The following ARL4A variants were observed in gnomAD, a reference collection of about 807,000 sequenced individuals.
ARL4A encodes the protein ARF like GTPase 4A, also known as ADP-ribosylation factor-like protein 4A.
In ARL4A, 5 loss-of-function variants were observed where a neutral mutation model predicts 13.9. The ratio of observed to expected loss-of-function variants is 0.36; its 90% CI spans 0.19 to 0.75. The LOEUF (loss-of-function observed/expected upper bound fraction) is 0.75. ARL4A is among the 30% of genes least tolerant of loss of function. The pLI is 0.53. For missense variants in ARL4A, 147 were observed against 225.8 expected (o/e 0.65, Z 2.24); for synonymous variants, 77 against 84.4 (o/e 0.91, Z 0.48).
In ARL4A at chr7:12,689,197, T is replaced by TA. The variant is rs1784577606; in HGVS notation, c.*341dup. ...GAGTGTCTGCCTAGTGTTTTGTGCT[T>TA]ACATCTTTCGGGGGGAAGCCTTTGC... On this transcript the variant is annotated 3_prime_UTR_variant, in exon 2 of 2. Coordinates refer to ENST00000651779, the MANE Select transcript of ARL4A (RefSeq NM_005738.5). 4.5e-6 allele frequency: 1 copy of TA among 220,212 alleles called. No homozygotes were observed. The highest frequency in any genetic ancestry group is 9.9e-6 in the Non-Finnish European group (1 of 101,004). 13.6% of individuals were successfully genotyped at this position (220,212 alleles called of 1,614,324 possible).
rs550088104 is a variant in ARL4A, at chr7:12,688,314, T to C, written c.60T>C (p.Ser20=). 1 of 1,613,682 alleles carries C rather than the reference T, an allele frequency of 6.2e-7. No individual in the cohort carries two copies. Among genetic ancestry groups the C allele is most frequent in the South Asian group, 1.1e-5 (1 of 90,982 alleles). The change falls in exon 2 of 2, where the codon TCT becomes TCC. Residue 20 remains serine, a synonymous_variant. Transcript: ENST00000651779. The surrounding 1 kb of genome is among the most constrained non-coding windows in gnomAD (Gnocchi z 5.2). ...TGTCCAACCTGCCTTCATTTCAGTCTTTCCACATTGTTATTCTGGGTTTGG... is the reference window on the plus strand; with the variant it reads ...TGTCCAACCTGCCTTCATTTCAGTCCTTCCACATTGTTATTCTGGGTTTGG... ...SILSNLPSFQ[S]FHIVILGLDC...
In ARL4A at chr7:12,690,537, A is replaced by G. The variant is rs1424551344; in HGVS notation, c.*1680A>G. The stretch of plus-strand genomic sequence containing the variant: ...TATTTCCACTTTTGCTGAAGCTTTT[A>G]ATCAGATGTGTAAAAACAATTGACC... On this transcript the variant is annotated 3_prime_UTR_variant, in exon 2 of 2. Coordinates refer to ENST00000651779, the MANE Select transcript of ARL4A (RefSeq NM_005738.5). The G allele has an allele frequency of 6.0e-6, 1 of 166,684 alleles. No individual in the cohort carries two copies. Among genetic ancestry groups the G allele is most frequent in the African/African-American group, 2.4e-5 (1 of 41,406 alleles). 10.3% of individuals were successfully genotyped at this position (166,684 alleles called of 1,614,324 possible).
chr7:12,688,465 T>A lies in ARL4A; in HGVS notation c.211T>A (p.Phe71Ile). ...CTTGGGAAATTCTAAAACAGTCACT[T>A]TTCACTTCTGGGATGTAGGTGGTCA... ...VTLGNSKTVT[F>I]HFWDVGGQEK... The change falls in exon 2 of 2, where the codon TTT becomes ATT. Residue 71 changes from phenylalanine (F) to isoleucine (I), a missense_variant. Phe to Ile is a conservative substitution (Grantham distance 21). Coordinates refer to ENST00000651779, the MANE Select transcript of ARL4A (RefSeq NM_005738.5). The surrounding 1 kb of genome is among the most constrained non-coding windows in gnomAD (Gnocchi z 5.2). 1 of 1,612,520 alleles carries A rather than the reference T, an allele frequency of 6.2e-7. No individual in the cohort carries two copies. Among genetic ancestry groups the A allele is most frequent in the Non-Finnish European group, 8.5e-7 (1 of 1,179,856 alleles).
At position 12,688,027 on chromosome 7, in the gene ARL4A, A is replaced by G; in HGVS notation, c.-89-139A>G. On this transcript the variant is annotated intron_variant, in intron 1 of 1. Coordinates refer to ENST00000651779, the MANE Select transcript of ARL4A (RefSeq NM_005738.5). The surrounding 1 kb of genome is among the most constrained non-coding windows in gnomAD (Gnocchi z 5.2). ...TCTTGGACTGTGTGTGTTTTCATGT[A>G]CGTTTCATATCTCGTCTGGTTTGTT... 1 of 498,032 alleles carries G rather than the reference A, an allele frequency of 2.0e-6. No homozygotes were observed. Among genetic ancestry groups the G allele is most frequent in the Non-Finnish European group, 3.4e-6 (1 of 290,172 alleles). The allele number at this position is 498,032 out of a possible 1,614,324, so 30.9% of individuals were successfully genotyped here. A position where few individuals can be genotyped will look rare whatever the true frequency, so the allele number is the denominator to read the frequency against.
chr7:12,689,646 C>T lies in ARL4A; in HGVS notation c.*789C>T, dbSNP rs963871668. 1 of 166,466 alleles carries T rather than the reference C, an allele frequency of 6.0e-6. No individual in the cohort carries two copies. The highest frequency in any genetic ancestry group is 1.5e-5 in the Non-Finnish European group (1 of 68,082). The allele number at this position is 166,466 out of a possible 1,614,324, so 10.3% of individuals were successfully genotyped here. On this transcript the variant is annotated 3_prime_UTR_variant, in exon 2 of 2. Coordinates refer to ENST00000651779, the MANE Select transcript of ARL4A (RefSeq NM_005738.5). ...TAGTTTGTTGTCAGAAGCACTTTCA[C>T]TTGAAGAACCTAAAATGATTGACTC...
chr7:12,688,442 T>C lies in ARL4A; in HGVS notation c.188T>C (p.Leu63Ser). Residue 63 changes from leucine to serine, a missense_variant, in exon 2 of 2, where the codon TTG becomes TCG. Leu to Ser is a moderately radical substitution (Grantham distance 145). Transcript: ENST00000651779. The surrounding 1 kb of genome is among the most constrained non-coding windows in gnomAD (Gnocchi z 5.2). ...AACACTGAGAAAATTAAGGTAACCT[T>C]GGGAAATTCTAAAACAGTCACTTTT... ...GFNTEKIKVT[L>S]GNSKTVTFHF... is the part of the protein sequence containing the mutation. 1 of 1,613,224 alleles carries C rather than the reference T, an allele frequency of 6.2e-7. No homozygotes were observed. Among genetic ancestry groups the C allele is most frequent in the Non-Finnish European group, 8.5e-7 (1 of 1,179,860 alleles).
In ARL4A at chr7:12,688,971, C is replaced by A. The variant is rs553086291; in HGVS notation, c.*114C>A. 4,446 of 1,120,696 alleles carry A rather than the reference C, an allele frequency of 4.0e-3. 13 individuals carry two copies. Among genetic ancestry groups the A allele is most frequent in the Non-Finnish European group, 5.1e-3 (3,993 of 781,946 alleles). 69.4% of individuals were successfully genotyped at this position (1,120,696 alleles called of 1,614,324 possible). On this transcript the variant is annotated 3_prime_UTR_variant, in exon 2 of 2. Coordinates refer to ENST00000651779, the MANE Select transcript of ARL4A (RefSeq NM_005738.5). This position sits in a 1 kb window ranked among gnomAD's most constrained non-coding sequence, Gnocchi z 5.2. ...TCTGCCCTCCTGGATGCTATTAAAG[C>A]TTTGTTTTGTTGAACAATCAGATGC...
upstream of ARL4A, chr7:12,687,278 G>A (rs901390061): frequency 6.6e-6 from 1 of 152,354 alleles, no homozygotes; most frequent in East Asian, 1.9e-4. The surrounding 1 kb of genome is among the most constrained non-coding windows in gnomAD (Gnocchi z 5.6). Flanking sequence ...CCCCGGATGT[G>A]AGAGCCTTGG....
In ARL4A at chr7:12,689,998, T is replaced by A. The variant is rs1784592164; in HGVS notation, c.*1141T>A. 1 of 167,058 alleles carries A rather than the reference T, an allele frequency of 6.0e-6. No homozygotes were observed. The highest frequency in any genetic ancestry group is 1.5e-5 in the Non-Finnish European group (1 of 68,110). The allele number at this position is 167,058 out of a possible 1,614,324, so 10.3% of individuals were successfully genotyped here. ...CAGTGTTACATGGGCTGTCCAGTCC[T>A]GATTATAGAGAGGAAGAAATGGTAA... On this transcript the variant is annotated 3_prime_UTR_variant, in exon 2 of 2. Transcript: ENST00000651779.
In ARL4A at chr7:12,690,768, T is replaced by C. The variant is rs1171894435; in HGVS notation, c.*1911T>C. On this transcript the variant is annotated 3_prime_UTR_variant, in exon 2 of 2. Transcript: ENST00000651779. ...TTTACCAGTTTGCCTGTACTTTCTG[T>C]CTACCTACTATGTAAAATAGTGCTG... The C allele has an allele frequency of 1.8e-5, 3 of 166,736 alleles. No homozygotes were observed. The highest frequency in any genetic ancestry group is 6.5e-5 in the Admixed American group (1 of 15,278). 10.3% of individuals were successfully genotyped at this position (166,736 alleles called of 1,614,324 possible). A position where few individuals can be genotyped will look rare whatever the true frequency, so the allele number is the denominator to read the frequency against.
In ARL4A at chr7:12,690,003, A is replaced by G. The variant is rs1784592243; in HGVS notation, c.*1146A>G. The G allele has an allele frequency of 6.0e-6, 1 of 167,076 alleles. No individual in the cohort carries two copies. The highest frequency in any genetic ancestry group is 2.4e-5 in the African/African-American group (1 of 41,460). The allele number at this position is 167,076 out of a possible 1,614,324, so 10.3% of individuals were successfully genotyped here. ...TTACATGGGCTGTCCAGTCCTGATT[A>G]TAGAGAGGAAGAAATGGTAACAGTA... On this transcript the variant is annotated 3_prime_UTR_variant, in exon 2 of 2. Transcript: ENST00000651779.
rs1784583312 is a variant in ARL4A at position 12,689,459 on chromosome 7, A to G, written c.*602A>G. The G allele has an allele frequency of 1.2e-5, 2 of 167,172 alleles. No homozygotes were observed. Among genetic ancestry groups the G allele is most frequent in the Admixed American group, 6.5e-5 (1 of 15,290 alleles). 10.4% of individuals were successfully genotyped at this position (167,172 alleles called of 1,614,324 possible). A position where few individuals can be genotyped will look rare whatever the true frequency, so the allele number is the denominator to read the frequency against. On this transcript the variant is annotated 3_prime_UTR_variant, in exon 2 of 2. Coordinates refer to ENST00000651779, the MANE Select transcript of ARL4A (RefSeq NM_005738.5). ...TTCTAGACAATGTTTAAGTTGGTCT[A>G]CCTTTATTAAAAATAAGATATTTGG...
At position 12,688,779 on chromosome 7, in the gene ARL4A, A is replaced by G. The variant is rs773700698; in HGVS notation, c.525A>G (p.Leu175=). Residue 175 remains leucine, a synonymous_variant, in exon 2 of 2, where the codon CTA becomes CTG. Transcript: ENST00000651779. This position sits in a 1 kb window ranked among gnomAD's most constrained non-coding sequence, Gnocchi z 5.2. ...CCTGTGCAATCATAGGAGATGGCCT[A>G]AAGGAAGGACTTGAGAAACTACATG... is the stretch of plus-strand genomic sequence containing the variant. ...QPTCAIIGDG[L]KEGLEKLHDM... 1 of 1,613,966 alleles carries G rather than the reference A, an allele frequency of 6.2e-7. No individual in the cohort carries two copies. Among genetic ancestry groups the G allele is most frequent in the Non-Finnish European group, 8.5e-7 (1 of 1,179,840 alleles).
upstream of ARL4A, chr7:12,687,365 G>C (rs1159998749): frequency 6.6e-6 from 1 of 152,288 alleles, no homozygotes; most frequent in Non-Finnish European, 1.5e-5. The surrounding 1 kb of genome is among the most constrained non-coding windows in gnomAD (Gnocchi z 5.6). Flanking sequence ...ACCGCCCGAG[G>C]CTCCCCTTCA....
In ARL4A at chr7:12,688,868, C is replaced by G; in HGVS notation, c.*11C>G. Reference sequence around the variant, plus strand: ...AAAAAGAAAAGATGAATATCAATACCTATTATATCTGTGTGGAGTAGGTTT... The same window carrying G: ...AAAAAGAAAAGATGAATATCAATACGTATTATATCTGTGTGGAGTAGGTTT... On this transcript the variant is annotated 3_prime_UTR_variant, in exon 2 of 2. Coordinates refer to ENST00000651779, the MANE Select transcript of ARL4A (RefSeq NM_005738.5). This position sits in a 1 kb window ranked among gnomAD's most constrained non-coding sequence, Gnocchi z 5.2. 6.3e-7 allele frequency: 1 copy of G among 1,591,984 alleles called. No homozygotes were observed. Among genetic ancestry groups the G allele is most frequent in the Non-Finnish European group, 8.5e-7 (1 of 1,169,800 alleles).
At position 12,690,034 on chromosome 7, in the gene ARL4A, G is replaced by T. The variant is rs956555692; in HGVS notation, c.*1177G>T. 2 of 166,990 alleles carry T rather than the reference G, an allele frequency of 1.2e-5. No individual in the cohort carries two copies. The highest frequency in any genetic ancestry group is 2.9e-5 in the Non-Finnish European group (2 of 68,100). The allele number at this position is 166,990 out of a possible 1,614,324, so 10.3% of individuals were successfully genotyped here. On this transcript the variant is annotated 3_prime_UTR_variant, in exon 2 of 2. Coordinates refer to ENST00000651779, the MANE Select transcript of ARL4A (RefSeq NM_005738.5). ...AGGAAGAAATGGTAACAGTATGGCA[G>T]ATAAGAATTACAATTATAGAAAATG... is the stretch of plus-strand genomic sequence containing the variant.
In ARL4A at chr7:12,688,933, C is replaced by T; in HGVS notation, c.*76C>T. Reference sequence around the variant, plus strand: ...TTGACAAATAGAAGAGTGTCTACAGCGTGGTTTGCCTGTCTGCCCTCCTGG... The same window carrying T: ...TTGACAAATAGAAGAGTGTCTACAGTGTGGTTTGCCTGTCTGCCCTCCTGG... On this transcript the variant is annotated 3_prime_UTR_variant, in exon 2 of 2. Transcript: ENST00000651779. This position sits in a 1 kb window ranked among gnomAD's most constrained non-coding sequence, Gnocchi z 5.2. The T allele has an allele frequency of 1.4e-6, 2 of 1,436,966 alleles. No homozygotes were observed. The highest frequency in any genetic ancestry group is 2.3e-5 in the East Asian group (1 of 43,758). 89.0% of individuals were successfully genotyped at this position (1,436,966 alleles called of 1,614,324 possible).
chr7:12,688,448 A>G lies in ARL4A; in HGVS notation c.194A>G (p.Asn65Ser). 2.5e-6 allele frequency: 4 copies of G among 1,613,078 alleles called. No individual in the cohort carries two copies. In the South Asian group the frequency reaches 3.3e-5, roughly 13 times the overall value. The change falls in exon 2 of 2, where the codon AAT becomes AGT. Residue 65 changes from asparagine (N) to serine (S), a missense_variant. By Grantham distance (46) the Asn-to-Ser change is conservative. Transcript: ENST00000651779. The surrounding 1 kb of genome is among the most constrained non-coding windows in gnomAD (Gnocchi z 5.2). ...GAGAAAATTAAGGTAACCTTGGGAAATTCTAAAACAGTCACTTTTCACTTC... is the reference window on the plus strand; with the variant it reads ...GAGAAAATTAAGGTAACCTTGGGAAGTTCTAAAACAGTCACTTTTCACTTC... ...NTEKIKVTLGNSKTVTFHFWD... is the reference protein window; with the variant it reads ...NTEKIKVTLGSSKTVTFHFWD...
At position 12,690,524 on chromosome 7, in the gene ARL4A, T is replaced by G. The variant is rs909683448; in HGVS notation, c.*1667T>G. ...TTGAATTTTAATGTATTTCCACTTT[T>G]GCTGAAGCTTTTAATCAGATGTGTA... On this transcript the variant is annotated 3_prime_UTR_variant, in exon 2 of 2. Coordinates refer to ENST00000651779, the MANE Select transcript of ARL4A (RefSeq NM_005738.5). 2 of 166,956 alleles carry G rather than the reference T, an allele frequency of 1.2e-5. No individual in the cohort carries two copies. Among genetic ancestry groups the G allele is most frequent in the Non-Finnish European group, 2.9e-5 (2 of 68,090 alleles). 10.3% of individuals were successfully genotyped at this position (166,956 alleles called of 1,614,324 possible). A position where few individuals can be genotyped will look rare whatever the true frequency, so the allele number is the denominator to read the frequency against.
Sources: gnomAD v4.1 joint callset for allele counts on GRCh38, gnomAD v4.1.1 for gene constraint, Gnocchi (gnomAD v3.1) non-coding constraint, MANE v1.5 for transcripts, NCBI Gene and HGNC (gene_info 2026-07-23, HGNC 2026-07-21) for gene names.